The following MBP variants were observed in gnomAD, a reference collection of about 807,000 sequenced individuals.
MBP encodes the protein myelin basic protein.
Under a neutral mutation model 35.8 loss-of-function variants are expected in MBP, and 16 were observed. That is an observed-to-expected ratio of 0.45 (90% CI 0.30 to 0.68). The LOEUF (loss-of-function observed/expected upper bound fraction) is 0.68, where lower values mean the gene tolerates loss of function less well. Ranked by LOEUF, MBP falls within the 30% of genes least tolerant of loss-of-function variation. The probability of loss-of-function intolerance (pLI) is 0.08; values close to 1 mark genes in which losing one functional copy is unlikely to be tolerated. For synonymous variants in MBP, 143 were observed against 159.6 expected (o/e 0.90, Z 0.78); for missense variants, 380 against 404.7 (o/e 0.94, Z 0.52).
intron 3 of MBP, among the ~76,000 whole-genome samples, chr18:77,019,753 C>T (rs1350008170): frequency 6.6e-6 from 1 of 152,176 alleles, no homozygotes; most frequent in African/African-American, 2.4e-5. Flanking sequence ...AGATGAGAGT[C>T]TGGGCCCTGC....
At chr18:77,041,929 T>TAAA (rs11370656) in intron 3 of MBP, among the ~76,000 whole-genome samples, 92 of 146,402 alleles carry the variant, frequency 6.3e-4, no homozygotes, top group African/African-American at 2.1e-3. Context: ...AAAGTATAAT[T>TAAA]AAAAAAAAAA....
At chr18:77,054,671 T>C (rs557432191) in intron 3 of MBP, among the ~76,000 whole-genome samples, 13 of 152,312 alleles carry the variant, frequency 8.5e-5, no homozygotes, top group Non-Finnish European at 1.0e-4. Flanking sequence ...AGCAAAGACA[T>C]AGAAATAGTG....
intron 4 of MBP, among the ~76,000 whole-genome samples, chr18:76,993,497 C>T (rs982760754): frequency 6.8e-6 from 1 of 146,740 alleles, no homozygotes; most frequent in Non-Finnish European, 1.5e-5. Flanking sequence ...TTGCAGTGAG[C>T]TGAGATTGCA....
intron 2 of MBP, chr18:77,087,243 C>A (rs1056708734): frequency 1.5e-4 from 23 of 152,010 alleles, no homozygotes; most frequent in African/African-American, 5.5e-4. Context: ...TAGGGAAAAC[C>A]CCCGCGGAGC....
intron 2 of MBP, among the ~76,000 whole-genome samples, chr18:77,094,660 T>G (rs146942352): frequency 6.6e-6 from 1 of 152,186 alleles, no homozygotes; most frequent in Non-Finnish European, 1.5e-5. Context: ...AACTCAAAAT[T>G]AACTTTTGTA....
At chr18:77,069,432 G>T (rs1192457441) in intron 2 of MBP, among the ~76,000 whole-genome samples, 1 of 152,140 alleles carries the variant, frequency 6.6e-6, no homozygotes, top group East Asian at 1.9e-4. Context: ...TGTTATTTAA[G>T]AACTAATTAA....
intron 4 of MBP, among the ~76,000 whole-genome samples, chr18:77,010,527 G>A (rs1215651677): frequency 6.6e-6 from 1 of 152,250 alleles, no homozygotes; most frequent in African/African-American, 2.4e-5. Flanking sequence ...ATTTTCTGCA[G>A]AGCATGAGGA....
At chr18:77,111,787 C>G (rs1268773312) in intron 1 of MBP, among the ~76,000 whole-genome samples, 2 of 152,224 alleles carry the variant, frequency 1.3e-5, no homozygotes, top group Admixed American at 6.5e-5. Context: ...AGAACACGGA[C>G]AGTGACAGCC....
intron 3 of MBP, among the ~76,000 whole-genome samples, chr18:77,031,799 G>A (rs1301487587): frequency 6.6e-6 from 1 of 152,222 alleles, no homozygotes; most frequent in African/African-American, 2.4e-5. Flanking sequence ...TGGCCACCTT[G>A]GACAGGCTGT....
At chr18:77,070,850 C>A (rs1568324340) in intron 2 of MBP, among the ~76,000 whole-genome samples, 1 of 152,152 alleles carries the variant, frequency 6.6e-6, no homozygotes, top group Admixed American at 6.5e-5. Context: ...CAAAGCCAGT[C>A]ACAGCCAGGA....
rs1261786735 is a variant in MBP at position 77,102,669 on chromosome 18, T to TA, written c.51+2541dup. Among the ~76,000 whole-genome samples the TA allele has an allele frequency of 2.0e-5, 3 of 152,172 alleles. No homozygotes were observed. Among genetic ancestry groups the TA allele is most frequent in the African/African-American group, 7.2e-5 (3 of 41,460 alleles). On this transcript the variant is annotated intron_variant, in intron 2 of 8. Transcript: ENST00000355994. The surrounding 1 kb of genome is among the most constrained non-coding windows in gnomAD (Gnocchi z 4.4). ...CTTACTCTGATAGCATTAAACAAAT[T>TA]AAAAACATATGTGGGTGTTTTACAG... is the stretch of plus-strand genomic sequence containing the variant.
At chr18:77,120,033 C>T (rs1976841580) in intron 1 of MBP, among the ~76,000 whole-genome samples, 1 of 152,098 alleles carries the variant, frequency 6.6e-6, no homozygotes, top group Admixed American at 6.5e-5. Flanking sequence ...TGGGACAGAC[C>T]CCAATGTCTC....
At chr18:77,100,772 C>T (rs992878655) in intron 2 of MBP, among the ~76,000 whole-genome samples, 1 of 152,014 alleles carries the variant, frequency 6.6e-6, no homozygotes, top group Non-Finnish European at 1.5e-5. Flanking sequence ...AGGCTGGTCT[C>T]GAACTCCTAG....
intron 2 of MBP, among the ~76,000 whole-genome samples, chr18:77,086,182 T>C (rs8091801): frequency 0.081 from 12,338 of 152,234 alleles, 1,137 homozygotes; most frequent in African/African-American, 0.22. Flanking sequence ...AGATGAATCA[T>C]CAGAACAGCA....
intron 4 of MBP, among the ~76,000 whole-genome samples, chr18:76,997,810 G>A (rs557800421): frequency 3.8e-4 from 57 of 151,356 alleles, no homozygotes; most frequent in African/African-American, 1.3e-3. Flanking sequence ...AACCTCCCGA[G>A]TAGCTGGGAC....
At chr18:77,066,020 G>C (rs1974181117) in intron 3 of MBP, 1 of 359,838 alleles carries the variant, frequency 2.8e-6, no homozygotes, top group Admixed American at 4.3e-5. Flanking sequence ...ACCACACCTG[G>C]CTAATTTATT....
chr18:77,033,597 A>C (rs1243628248), intron 3 of MBP, among the ~76,000 whole-genome samples: 7 of 151,824 alleles, frequency 4.6e-5, no homozygotes, highest in African/African-American at 1.7e-4. Context: ...CCATCCATCC[A>C]TCCATGCATT....
chr18:77,023,777 C>T (rs545223766), intron 3 of MBP, among the ~76,000 whole-genome samples: 128 of 152,304 alleles, frequency 8.4e-4, no homozygotes, highest in Admixed American at 5.1e-3. Flanking sequence ...CCCTGGGAGG[C>T]CCAGACACCC....
intron 2 of MBP, among the ~76,000 whole-genome samples, chr18:77,073,431 A>G (rs1974529060): frequency 6.6e-6 from 1 of 152,128 alleles, no homozygotes; most frequent in South Asian, 2.1e-4. Context: ...GCAACATTTC[A>G]CCATTTTGAC....
Sources: allele counts gnomAD v4.1 joint callset (sites outside exome capture counted in the v4.1 genomes callset), GRCh38; gene constraint gnomAD v4.1.1; non-coding constraint Gnocchi (gnomAD v3.1); transcripts MANE v1.5; gene names NCBI Gene and HGNC (gene_info 2026-07-23, HGNC 2026-07-21).